MYT1L: variants seen among roughly 807,000 people sequenced by gnomAD.
The protein encoded by MYT1L is myelin transcription factor 1-like protein.
MYT1L carries 12 observed loss-of-function variants against 126.7 expected under a neutral mutation model. The ratio of observed to expected loss-of-function variants is 0.09; its 90% CI spans 0.06 to 0.15. The LOEUF is 0.15. MYT1L is among the 10% of genes least tolerant of loss of function. MYT1L has a pLI of 1.00. For missense variants in MYT1L, 979 were observed against 1,585.2 expected (o/e 0.62, Z 6.49); for synonymous variants, 541 against 604.2 (o/e 0.90, Z 1.53).
chr2:1,813,385 G>GGCACA (rs560271675), intron 21 of MYT1L, among the ~76,000 whole-genome samples: 42 of 152,284 alleles, frequency 2.8e-4, no homozygotes, highest in African/African-American at 1.0e-3. Context: ...TGGCCCCAGG[G>GGCACA]GCACAGCTGT....
intron 2 of MYT1L, among the ~76,000 whole-genome samples, chr2:2,190,654 C>G (rs2092541671): frequency 6.6e-6 from 1 of 151,500 alleles, no homozygotes; most frequent in Admixed American, 6.6e-5. Flanking sequence ...CTGCATGGGG[C>G]ACTTTTTAAA....
chr2:2,301,408 A>G (rs899483325), intron 1 of MYT1L, among the ~76,000 whole-genome samples: 5 of 152,206 alleles, frequency 3.3e-5, no homozygotes, highest in Non-Finnish European at 7.3e-5. Flanking sequence ...ATTAGAAAGC[A>G]TTCAACTCAC....
intron 4 of MYT1L, among the ~76,000 whole-genome samples, chr2:2,002,596 G>A (rs183285009): frequency 5.6e-4 from 85 of 152,314 alleles, no homozygotes; most frequent in Admixed American, 5.9e-4. Flanking sequence ...GCAAAAGGGT[G>A]TAATCATTTG....
intron 3 of MYT1L, among the ~76,000 whole-genome samples, chr2:2,117,856 G>C (rs935730485): frequency 6.6e-6 from 1 of 152,088 alleles, no homozygotes; most frequent in Non-Finnish European, 1.5e-5. Context: ...CAGAGCCAGA[G>C]TCGGTAATAG....
At chr2:2,273,819 G>T (rs1353072554) in intron 2 of MYT1L, among the ~76,000 whole-genome samples, 1 of 152,188 alleles carries the variant, frequency 6.6e-6, no homozygotes, top group Admixed American at 6.5e-5. Flanking sequence ...CAAAGGTGAG[G>T]CAGTAATATA....
At chr2:2,273,351 T>C (rs1405165558) in intron 2 of MYT1L, among the ~76,000 whole-genome samples, 1 of 152,150 alleles carries the variant, frequency 6.6e-6, no homozygotes, top group African/African-American at 2.4e-5. Context: ...AATGAGATGT[T>C]TGGAAACAAC....
intron 2 of MYT1L, among the ~76,000 whole-genome samples, chr2:2,226,404 A>C (rs1001724692): frequency 6.6e-6 from 1 of 152,166 alleles, no homozygotes; most frequent in African/African-American, 2.4e-5. Context: ...ATCCACCTTC[A>C]TTGAAGTGTT....
At chr2:2,308,599 A>C (rs1245368335) in intron 1 of MYT1L, among the ~76,000 whole-genome samples, 1 of 151,900 alleles carries the variant, frequency 6.6e-6, no homozygotes, top group Non-Finnish European at 1.5e-5. Flanking sequence ...ACTTCAGTAC[A>C]TTATACCCAT....
intron 3 of MYT1L, among the ~76,000 whole-genome samples, chr2:2,093,460 A>G (rs1376549668): frequency 6.6e-6 from 1 of 150,744 alleles, no homozygotes; most frequent in Non-Finnish European, 1.5e-5. Context: ...GCATTTTTTC[A>G]TGTGTCTTTT....
At chr2:1,869,028 C>T (rs1454724324) in intron 18 of MYT1L, among the ~76,000 whole-genome samples, 2 of 152,348 alleles carry the variant, frequency 1.3e-5, no homozygotes, top group East Asian at 1.9e-4. Flanking sequence ...ACTGAGCTTC[C>T]GCAGGCCATG....
Position 2,262,915 on chromosome 2 carries a change from A to AATATATATATAT in MYT1L, c.-421+21477_-421+21488dup, listed in dbSNP as rs61461867. ...GTTTTTACCCCAGGTGAGAGGCACA[A>AATATATATATAT]ATATATATATATATATAACCTGTGA... is the stretch of plus-strand genomic sequence containing the variant. On this transcript the variant is annotated intron_variant, in intron 2 of 24. Coordinates refer to ENST00000647738, the MANE Select transcript of MYT1L (RefSeq NM_001303052.2). Among the ~76,000 whole-genome samples the AATATATATATAT allele has an allele frequency of 9.3e-4, 58 of 62,510 alleles. 5 individuals are homozygous for AATATATATATAT. The highest frequency in any genetic ancestry group is 0.018 in the Middle Eastern group (2 of 112). 41.0% of individuals were successfully genotyped at this position (62,510 alleles called of 152,430 possible).
intron 3 of MYT1L, among the ~76,000 whole-genome samples, chr2:2,169,999 T>C (rs749826698): frequency 2.0e-5 from 3 of 152,236 alleles, no homozygotes; most frequent in Non-Finnish European, 4.4e-5. Flanking sequence ...TTTGAGTCTC[T>C]TGAATTCTGC....
At position 2,313,157 on chromosome 2, in the gene MYT1L, T is replaced by C. The variant is rs567267497; in HGVS notation, c.-521+17810A>G. ...CTTCAATACATCAATTAAGGCAGGGTGAAAGAAGGAGCTTTTTCTCCATGT... is the reference window on the plus strand; with the variant it reads ...CTTCAATACATCAATTAAGGCAGGGCGAAAGAAGGAGCTTTTTCTCCATGT... On this transcript the variant is annotated intron_variant, in intron 1 of 24. Transcript: ENST00000647738. Among the ~76,000 whole-genome samples, 48 of 152,232 alleles carry C rather than the reference T, an allele frequency of 3.2e-4. 1 individual carries two copies. The highest frequency in any genetic ancestry group is 3.4e-3 in the Middle Eastern group (1 of 294).
At chr2:2,171,707 T>C (rs1219556534) in intron 3 of MYT1L, among the ~76,000 whole-genome samples, 2 of 151,970 alleles carry the variant, frequency 1.3e-5, no homozygotes, top group East Asian at 1.9e-4. Context: ...ATGAGTGCAG[T>C]GAGTTTCTTC....
intron 18 of MYT1L, among the ~76,000 whole-genome samples, chr2:1,872,827 G>C (rs921570646): frequency 1.3e-5 from 2 of 152,174 alleles, no homozygotes; most frequent in African/African-American, 4.8e-5. Context: ...GCACCACCAG[G>C]TGCTATTCTA....
At chr2:2,097,069 G>C (rs2077527945) in intron 3 of MYT1L, among the ~76,000 whole-genome samples, 1 of 152,088 alleles carries the variant, frequency 6.6e-6, no homozygotes, top group Non-Finnish European at 1.5e-5. Context: ...GCAACCACAG[G>C]GAGCACCATC....
intron 2 of MYT1L, among the ~76,000 whole-genome samples, chr2:2,277,784 C>A (rs970678481): frequency 6.6e-6 from 1 of 151,896 alleles, no homozygotes. Flanking sequence ...CCCTTTGCAA[C>A]AGAATAAAAA....
At chr2:2,216,882 C>T (rs189708271) in intron 2 of MYT1L, among the ~76,000 whole-genome samples, 1 of 151,710 alleles carries the variant, frequency 6.6e-6, no homozygotes, top group Admixed American at 6.6e-5. Context: ...AGATAATGAA[C>T]AAAAATTATG....
At chr2:2,183,375 G>A (rs570407490) in intron 2 of MYT1L, among the ~76,000 whole-genome samples, 3 of 152,232 alleles carry the variant, frequency 2.0e-5, no homozygotes, top group African/African-American at 7.2e-5. Flanking sequence ...CACGGGAGGG[G>A]AGGAGAGAAA....
Sources: gnomAD v4.1 joint callset for allele counts (sites outside exome capture counted in the v4.1 genomes callset) on GRCh38, gnomAD v4.1.1 for gene constraint, MANE v1.5 for transcripts, NCBI Gene and HGNC (gene_info 2026-07-23, HGNC 2026-07-21) for gene names.